PXDNL: variants seen among roughly 807,000 people sequenced by gnomAD.
The protein encoded by PXDNL is probable oxidoreductase PXDNL.
A neutral mutation model predicts 150.8 loss-of-function variants in PXDNL; 145 were observed. The observed-to-expected ratio is 0.96, with a 90% CI of 0.84 to 1.10. The LOEUF (loss-of-function observed/expected upper bound fraction) is 1.10, where lower values mean the gene tolerates loss of function less well. PXDNL is among the 50% of genes least tolerant of loss of function. The pLI, the probability that PXDNL is intolerant of heterozygous loss-of-function variation, is 0.00. For synonymous variants in PXDNL, 757 were observed against 725.7 expected (o/e 1.04, Z -0.69); for missense variants, 2,087 against 1,873.9 (o/e 1.11, Z -2.10).
chr8:51,457,405 G>A, intron 9 of PXDNL, 93 bp downstream of exon 9: 3 of 994,782 alleles, frequency 3.0e-6, no homozygotes. Context: ...AATGGGAATA[G>A]TTTCACTTTG....
chr8:51,733,457 T>G (rs1005935111), intron 1 of PXDNL, among the ~76,000 whole-genome samples: 9 of 151,924 alleles, frequency 5.9e-5, no homozygotes, highest in Admixed American at 5.9e-4. Flanking sequence ...TGATTTGTTC[T>G]CAGAAAAGGA....
Position 51,371,855 on chromosome 8 carries a change from C to T in PXDNL, c.3901+18G>A, listed in dbSNP as rs772596122. On this transcript the variant is annotated intron_variant, in intron 19 of 22. Transcript: ENST00000356297. The stretch of plus-strand genomic sequence containing the variant: ...CATGCACATCAATCCAGATCGTGCT[C>T]ATTGCATTATTACTGACCTGCACAG... 3 of 1,599,382 alleles carry T rather than the reference C, an allele frequency of 1.9e-6. No individual in the cohort carries two copies. Among genetic ancestry groups the T allele is most frequent in the South Asian group, 1.1e-5 (1 of 90,360 alleles).
At chr8:51,688,073 G>A (rs1412673311) in intron 1 of PXDNL, among the ~76,000 whole-genome samples, 4 of 152,166 alleles carry the variant, frequency 2.6e-5, no homozygotes, top group African/African-American at 9.7e-5. Flanking sequence ...ATTTCCTAGA[G>A]CAAGAGAAAA....
intron 4 of PXDNL, among the ~76,000 whole-genome samples, chr8:51,518,162 C>A (rs75795829): frequency 0.088 from 13,405 of 152,172 alleles, 728 homozygotes; most frequent in Middle Eastern, 0.14. Flanking sequence ...AAGGAAATGG[C>A]TAACTCTCAT....
At chr8:51,583,087 T>A (rs115485923) in intron 3 of PXDNL, among the ~76,000 whole-genome samples, 237 of 152,314 alleles carry the variant, frequency 1.6e-3, no homozygotes, top group African/African-American at 5.5e-3. Context: ...AAAGTAAATT[T>A]TGTGAGTGAA....
chr8:51,545,588 T>C (rs1381484543), intron 4 of PXDNL, among the ~76,000 whole-genome samples: 3 of 152,056 alleles, frequency 2.0e-5, no homozygotes, highest in Non-Finnish European at 4.4e-5. Context: ...CTCAATCCCA[T>C]GTCATCCCAT....
At chr8:51,804,587 T>C (rs2037656205) in intron 1 of PXDNL, among the ~76,000 whole-genome samples, 1 of 152,190 alleles carries the variant, frequency 6.6e-6, no homozygotes, top group African/African-American at 2.4e-5. Context: ...ACTTTTCCCA[T>C]GTGCAGTAGC....
In PXDNL at chr8:51,327,025, A is replaced by T. The variant is rs1805519855; in HGVS notation, c.4147-6128T>A. Among the ~76,000 whole-genome samples, 6 of 152,258 alleles carry T rather than the reference A, an allele frequency of 3.9e-5. 2 individuals carry two copies. The South Asian group carries it at 1.2e-3, about 32-fold the overall frequency. On this transcript the variant is annotated intron_variant, in intron 21 of 22. Coordinates refer to ENST00000356297, the MANE Select transcript of PXDNL (RefSeq NM_144651.5). Reference sequence around the variant, plus strand: ...AAGACAGAGATCTACAAGCCAAAAAACATCACATTCTGAGGTACTGTCTAA... The same window carrying T: ...AAGACAGAGATCTACAAGCCAAAAATCATCACATTCTGAGGTACTGTCTAA...
chr8:51,560,450 T>A (rs1400583317), intron 3 of PXDNL, among the ~76,000 whole-genome samples: 2 of 152,012 alleles, frequency 1.3e-5, no homozygotes, highest in Non-Finnish European at 2.9e-5. Context: ...AACAGCATGG[T>A]ACTGGCATAG....
At chr8:51,572,011 C>T (rs531559720) in intron 3 of PXDNL, among the ~76,000 whole-genome samples, 130 of 151,910 alleles carry the variant, frequency 8.6e-4, no homozygotes, top group African/African-American at 3.0e-3. Flanking sequence ...ATGCTTTTGA[C>T]TTACAATGGG....
chr8:51,348,523 T>G (rs1347858420), intron 19 of PXDNL, among the ~76,000 whole-genome samples: 3 of 152,216 alleles, frequency 2.0e-5, no homozygotes, highest in African/African-American at 7.2e-5. Context: ...AGAGTATTCT[T>G]GATTGCTGAA....
chr8:51,678,184 TA>T (rs1426588094), intron 1 of PXDNL, among the ~76,000 whole-genome samples: 2 of 152,172 alleles, frequency 1.3e-5, no homozygotes, highest in Admixed American at 1.3e-4. Flanking sequence ...TAAGGAGAAG[TA>T]GGAGGCATAT....
At chr8:51,588,942 C>T (rs1448144822) in intron 3 of PXDNL, among the ~76,000 whole-genome samples, 1 of 152,212 alleles carries the variant, frequency 6.6e-6, no homozygotes, top group Non-Finnish European at 1.5e-5. Context: ...CCAAAATTCA[C>T]TGAAATTTAA....
chr8:51,547,434 T>A (rs980787318), intron 4 of PXDNL, among the ~76,000 whole-genome samples: 3 of 151,588 alleles, frequency 2.0e-5, no homozygotes, highest in African/African-American at 7.3e-5. Flanking sequence ...TCCAACAGAG[T>A]CCACTTCACT....
intron 1 of PXDNL, among the ~76,000 whole-genome samples, chr8:51,757,864 A>G (rs962434710): frequency 6.6e-6 from 1 of 152,020 alleles, no homozygotes; most frequent in Non-Finnish European, 1.5e-5. Context: ...TTTGTCTTCT[A>G]TTTCTAGCCC....
intron 4 of PXDNL, among the ~76,000 whole-genome samples, chr8:51,515,168 G>GGGGCAAGT (rs1811508816): frequency 6.6e-6 from 1 of 152,192 alleles, no homozygotes; most frequent in Non-Finnish European, 1.5e-5. Flanking sequence ...AGGGGGCAAG[G>GGGGCAAGT]ACAGTGAGGG....
chr8:51,417,278 G>T (rs1808824585), intron 14 of PXDNL, among the ~76,000 whole-genome samples: 1 of 152,082 alleles, frequency 6.6e-6, no homozygotes, highest in East Asian at 1.9e-4. Flanking sequence ...TGAGAAAAAG[G>T]CTTCAGTATA....
chr8:51,388,854 G>T (rs79184863), intron 17 of PXDNL, among the ~76,000 whole-genome samples: 7,165 of 151,720 alleles, frequency 0.047, 581 homozygotes, highest in African/African-American at 0.16. Context: ...TGTTTCACTA[G>T]CTACTGAGAT....
intron 3 of PXDNL, among the ~76,000 whole-genome samples, chr8:51,580,397 A>G (rs1306922448): frequency 2.0e-5 from 3 of 152,166 alleles, no homozygotes; most frequent in African/African-American, 7.2e-5. Flanking sequence ...TTATTTAAAA[A>G]ATGTCTGTTG....
Sources: allele counts gnomAD v4.1 joint callset (sites outside exome capture counted in the v4.1 genomes callset), GRCh38; gene constraint gnomAD v4.1.1; transcripts MANE v1.5; gene names NCBI Gene and HGNC (gene_info 2026-07-23, HGNC 2026-07-21).